Variants in LMNB1 observed in about 807,000 individuals in gnomAD.
LMNB1 encodes lamin-B1.
LMNB1 carries 23 observed loss-of-function variants against 67.1 expected under a neutral mutation model. The ratio of observed to expected loss-of-function variants is 0.34; its 90% CI spans 0.25 to 0.49. LMNB1 has a LOEUF of 0.49. Ranked by LOEUF, LMNB1 falls within the 20% of genes least tolerant of loss-of-function variation. The pLI is 0.99. For synonymous variants in LMNB1, 281 were observed against 282.9 expected, an observed-to-expected ratio of 0.99 and a Z score of 0.07; for missense variants, 634 against 746.5, an observed-to-expected ratio of 0.85 and a Z score of 1.76.
chr5:126,831,313 C>G (rs905546257), intron 9 of LMNB1, among the ~76,000 whole-genome samples: 2 of 152,238 alleles, frequency 1.3e-5, no homozygotes, highest in African/African-American at 4.8e-5. Context: ...AGGACACACT[C>G]ATTTACTTGC....
At chr5:126,787,603 T>C (rs1359149122) in intron 1 of LMNB1, among the ~76,000 whole-genome samples, 1 of 139,732 alleles carries the variant, frequency 7.2e-6, no homozygotes, top group Admixed American at 7.8e-5. Context: ...CAGGCTGGAG[T>C]GCAATGGTGT....
At chr5:126,800,644 CTTTTTTTTTTTTTTTT>C (rs35363581) in intron 1 of LMNB1, among the ~76,000 whole-genome samples, 10 of 53,946 alleles carry the variant, frequency 1.9e-4, no homozygotes, top group Admixed American at 5.7e-4. Context: ...ACTGTATCTT[CTTTTTTTTTTTTTTTT>C]TTTTTTTTTG....
chr5:126,814,375 G>C lies in LMNB1; in HGVS notation c.939+2477G>C, dbSNP rs1580546607. ...TTTTTGGCTGCTGCCTAATCCATTT[G>C]ATTTACTTAGTACAGATCTTCTCTT... On this transcript the variant is annotated intron_variant, in intron 5 of 10. Coordinates refer to ENST00000261366, the MANE Select transcript of LMNB1 (RefSeq NM_005573.4). Among the ~76,000 whole-genome samples, 5 of 152,146 alleles carry C rather than the reference G, an allele frequency of 3.3e-5. No homozygotes were observed. In the South Asian group the frequency reaches 1.0e-3, roughly 32 times the overall value.
At chr5:126,817,355 A>G (rs1214536358) in intron 5 of LMNB1, among the ~76,000 whole-genome samples, 4 of 152,164 alleles carry the variant, frequency 2.6e-5, no homozygotes, top group African/African-American at 4.8e-5. Flanking sequence ...TTATTGGAGA[A>G]TGGTATATAG....
intron 1 of LMNB1, among the ~76,000 whole-genome samples, chr5:126,800,862 G>C (rs1374476754): frequency 7.1e-6 from 1 of 140,734 alleles, no homozygotes; most frequent in Non-Finnish European, 1.5e-5. Flanking sequence ...ATGTTGGTCA[G>C]GCTGGTCTTG....
chr5:126,792,579 T>TTA (rs1750989635), intron 1 of LMNB1, among the ~76,000 whole-genome samples: 1 of 147,064 alleles, frequency 6.8e-6, no homozygotes, highest in Admixed American at 6.7e-5. Context: ...TTTTTTTTTT[T>TTA]TTTTTTTTTT....
Position 126,810,212 on chromosome 5 carries a change from G to A in LMNB1, c.675G>A (p.Thr225=), listed in dbSNP as rs375453322. The part of the protein sequence containing the change: ...EINETRRKHE[T]RLVEVDSGRQ... ...ACGAGACCAGAAGGAAGCATGAAAC[G>A]CGCTTGGTAGAGGTGGATTCTGGGC... Residue 225 remains threonine, a synonymous_variant, in exon 4 of 11, where the codon ACG becomes ACA. Transcript: ENST00000261366. The A allele has an allele frequency of 2.9e-5, 47 of 1,613,052 alleles. No individual in the cohort carries two copies. The highest frequency in any genetic ancestry group is 3.9e-5 in the Non-Finnish European group (46 of 1,179,258).
chr5:126,783,205 C>T (rs748401993), intron 1 of LMNB1, among the ~76,000 whole-genome samples: 4 of 151,728 alleles, frequency 2.6e-5, no homozygotes, highest in Non-Finnish European at 5.9e-5. Flanking sequence ...GTCTCAAAAA[C>T]AAAAACAAAC....
chr5:126,837,007 T>G lies in LMNB1; in HGVS notation c.*743T>G. 2.5e-6 allele frequency: 1 copy of G among 397,490 alleles called. No individual in the cohort carries two copies. The highest frequency in any genetic ancestry group is 4.4e-6 in the Non-Finnish European group (1 of 225,428). 24.6% of individuals were successfully genotyped at this position (397,490 alleles called of 1,614,324 possible). On this transcript the variant is annotated 3_prime_UTR_variant, in exon 11 of 11. Coordinates refer to ENST00000261366, the MANE Select transcript of LMNB1 (RefSeq NM_005573.4). ...ATGTGACATTAACAAATAAAAAAGC[T>G]CTTTTAATATTGATATACTGTCCTT...
intron 5 of LMNB1, among the ~76,000 whole-genome samples, chr5:126,817,069 CGTTT>C (rs1319023779): frequency 6.7e-5 from 5 of 74,496 alleles, no homozygotes; most frequent in Non-Finnish European, 9.2e-5. Flanking sequence ...ATCCATTCCC[CGTTT>C]GTTTGGTTTG....
intron 6 of LMNB1, 57 bp from the exon 7 acceptor site, chr5:126,820,853 T>C (rs1280969214): frequency 4.0e-6 from 5 of 1,248,434 alleles, no homozygotes; most frequent in Non-Finnish European, 4.5e-6. Context: ...TTTTTTTTTT[T>C]AAGGCGAGAA....
intron 1 of LMNB1, among the ~76,000 whole-genome samples, chr5:126,795,782 A>T (rs1348875149): frequency 1.3e-5 from 2 of 148,922 alleles, no homozygotes. Context: ...GCACAACCAC[A>T]CCTGGCTAAT....
intron 8 of LMNB1, 103 bp from the exon 9 acceptor site, chr5:126,825,885 C>G: frequency 6.6e-7 from 1 of 1,516,230 alleles, no homozygotes; most frequent in Non-Finnish European, 9.0e-7. Context: ...GGGCATAGTT[C>G]TCAGACTTTT....
intron 1 of LMNB1, among the ~76,000 whole-genome samples, chr5:126,793,743 T>C (rs1026337373): frequency 1.3e-4 from 19 of 151,918 alleles, no homozygotes; most frequent in African/African-American, 4.6e-4. Flanking sequence ...GAATGTAGTG[T>C]CGGGCGCCTG....
chr5:126,808,937 G>A (rs1751520480), intron 3 of LMNB1, among the ~76,000 whole-genome samples: 1 of 151,294 alleles, frequency 6.6e-6, no homozygotes, highest in African/African-American at 2.4e-5. Flanking sequence ...ATGCAGTGGT[G>A]CGATCTTGGC....
chr5:126,832,143 C>G (rs929724310), intron 9 of LMNB1, among the ~76,000 whole-genome samples: 3 of 152,120 alleles, frequency 2.0e-5, no homozygotes, highest in Non-Finnish European at 4.4e-5. Context: ...TGGTGCATGC[C>G]TGTAATCCCA....
chr5:126,787,546 A>ATATTTTTTTTTTTTTTTTTT, intron 1 of LMNB1, among the ~76,000 whole-genome samples: 17 of 65,564 alleles, frequency 2.6e-4, no homozygotes, highest in Non-Finnish European at 3.8e-4. Context: ...ATATATATAT[A>ATATTTTTTTTTTTTTTTTTT]TTTTTTTTTT....
At chr5:126,828,944 G>C (rs1346361137) in intron 9 of LMNB1, among the ~76,000 whole-genome samples, 1 of 152,104 alleles carries the variant, frequency 6.6e-6, no homozygotes, top group Non-Finnish European at 1.5e-5. Context: ...GAAATGAGGA[G>C]AGAAAGTATT....
At chr5:126,825,574 A>C (rs3828699) in intron 8 of LMNB1, among the ~76,000 whole-genome samples, 30,800 of 152,102 alleles carry the variant, frequency 0.2, 3,263 homozygotes, top group East Asian at 0.28. Flanking sequence ...CCCACAGAGT[A>C]ATAGAACGCT....
Sources: allele counts gnomAD v4.1 joint callset (sites outside exome capture counted in the v4.1 genomes callset), GRCh38; gene constraint gnomAD v4.1.1; transcripts MANE v1.5; gene names NCBI Gene and HGNC (gene_info 2026-07-23, HGNC 2026-07-21).